DNASE1: variants seen among roughly 807,000 people sequenced by gnomAD.
DNASE1 encodes deoxyribonuclease-1.
In DNASE1, 40 loss-of-function variants were observed where a neutral mutation model predicts 33.9. The ratio of observed to expected loss-of-function variants is 1.18; its 90% CI spans 0.92 to 1.54. The LOEUF (loss-of-function observed/expected upper bound fraction) is 1.54, where lower values mean the gene tolerates loss of function less well. Among genes scored for constraint, DNASE1 ranks in the 40% most tolerant of loss-of-function variants. The pLI, the probability that DNASE1 is intolerant of heterozygous loss-of-function variation, is 0.00. For synonymous variants in DNASE1, 216 were observed against 160.0 expected (o/e 1.35, Z -2.64); for missense variants, 518 against 372.6 (o/e 1.39, Z -3.21).
chr16:3,663,425 T>G, exon 10 of DNASE1: 1 of 1,614,086 alleles, frequency 6.2e-7, no homozygotes. Flanking sequence ...GATGCCGACC[T>G]GGGGACCTGT....
At chr16:3,615,752 A>G (rs1363065297) in intron 1 of DNASE1, among the ~76,000 whole-genome samples, 1 of 152,180 alleles carries the variant, frequency 6.6e-6, no homozygotes, top group African/African-American at 2.4e-5. Context: ...TCAGGGCAAA[A>G]AGGCAAAGGT....
At chr16:3,636,249 G>C (rs369312801) in intron 1 of DNASE1, among the ~76,000 whole-genome samples, 2 of 114,584 alleles carry the variant, frequency 1.7e-5, no homozygotes, top group Admixed American at 1.6e-4. Context: ...ACTTTTCTTA[G>C]TTTTTTTTGT....
At chr16:3,616,338 T>A (rs2041102419) in intron 1 of DNASE1, among the ~76,000 whole-genome samples, 1 of 152,202 alleles carries the variant, frequency 6.6e-6, no homozygotes, top group African/African-American at 2.4e-5. Context: ...CATATGGAAT[T>A]GGCCGGGTGC....
At position 3,655,050 on chromosome 16, in the gene DNASE1, C is replaced by T. The variant is rs769858733; in HGVS notation, c.-2+6C>T. ...GGACATCACCATCATCTCAGGTGAG[C>T]ACCAGGTGGAGTGCCTCTGGGTGAC... On this transcript the variant is annotated splice_donor_region_variant and intron_variant, in intron 1 of 8. Coordinates refer to ENST00000246949, the MANE Select transcript of DNASE1 (RefSeq NM_005223.4). The T allele has an allele frequency of 3.1e-5, 18 of 578,190 alleles. No homozygotes were observed. The highest frequency in any genetic ancestry group is 5.5e-5 in the Non-Finnish European group (18 of 325,834). 35.8% of individuals were successfully genotyped at this position (578,190 alleles called of 1,614,324 possible).
upstream of DNASE1, chr16:3,640,656 A>G (rs1286317748): frequency 2.5e-6 from 1 of 398,230 alleles, no homozygotes; most frequent in African/African-American, 2.1e-5. Context: ...AAGTTTCAGA[A>G]TAGGTGGTGC....
intron 1 of DNASE1, among the ~76,000 whole-genome samples, chr16:3,625,506 C>T (rs938388929): frequency 1.1e-4 from 16 of 152,156 alleles, no homozygotes; most frequent in African/African-American, 3.9e-4. Flanking sequence ...CATGCCTCTA[C>T]TCCCAGCTAT....
At chr16:3,612,085 TG>T in intron 1 of DNASE1, 1 of 151,762 alleles carries the variant, frequency 6.6e-6, no homozygotes, top group Non-Finnish European at 1.5e-5. Context: ...GCGCTTCAGG[TG>T]CCTGGAGGGG....
At chr16:3,641,256 G>A (rs565167225), upstream of DNASE1, 15 of 270,832 alleles carry the variant, frequency 5.5e-5, no homozygotes, top group African/African-American at 1.7e-4. Context: ...ACGCATTTAC[G>A]TAGTGAGAGG....
At chr16:3,633,600 C>A (rs892242562) in intron 1 of DNASE1, among the ~76,000 whole-genome samples, 2 of 149,030 alleles carry the variant, frequency 1.3e-5, no homozygotes, top group Non-Finnish European at 3.0e-5. Flanking sequence ...AAGAGCGAGA[C>A]TCCATCTCAA....
At chr16:3,624,268 CAAA>C (rs768493205) in intron 1 of DNASE1, among the ~76,000 whole-genome samples, 6 of 72,472 alleles carry the variant, frequency 8.3e-5, no homozygotes, top group Admixed American at 1.6e-4. Context: ...GACTCTGTCT[CAAA>C]AAAAAAAAAA....
exon 10 of DNASE1, chr16:3,663,484 C>T (rs758474019): frequency 6.2e-7 from 1 of 1,614,196 alleles, no homozygotes; most frequent in Non-Finnish European, 8.5e-7. Flanking sequence ...TCCGTCTCCA[C>T]AGAGATCAGC....
upstream of DNASE1, among the ~76,000 whole-genome samples, chr16:3,639,983 C>T (rs2041985486): frequency 3.3e-5 from 5 of 152,170 alleles, 1 homozygote; most frequent in South Asian, 8.3e-4. Flanking sequence ...GCAGTTAAGT[C>T]CCTTGGAAGC....
intron 1 of DNASE1, among the ~76,000 whole-genome samples, chr16:3,632,395 G>A (rs1455723047): frequency 6.6e-6 from 1 of 152,124 alleles, no homozygotes. Flanking sequence ...ATGCTCTGTT[G>A]TTAGGCGTAT....
chr16:3,664,115 C>G (rs2050764831), exon 10 of DNASE1: 4 of 733,864 alleles, frequency 5.5e-6, no homozygotes, highest in Admixed American at 7.3e-5. Flanking sequence ...AAGTGGGAAA[C>G]AGCCGTCACA....
intron 1 of DNASE1, among the ~76,000 whole-genome samples, chr16:3,619,922 T>C (rs1015620702): frequency 4.0e-5 from 6 of 151,304 alleles, no homozygotes; most frequent in Non-Finnish European, 8.9e-5. Flanking sequence ...CTTTTCTTTT[T>C]TTTTTTTTTT....
chr16:3,647,984 A>G (rs755002654), intron 1 of DNASE1, among the ~76,000 whole-genome samples: 2 of 152,024 alleles, frequency 1.3e-5, no homozygotes, highest in African/African-American at 2.4e-5. Context: ...CCTGGCCAAC[A>G]TGGCAAAACC....
intron 1 of DNASE1, among the ~76,000 whole-genome samples, chr16:3,625,539 C>T (rs1380396727): frequency 1.3e-5 from 2 of 152,088 alleles, no homozygotes; most frequent in Admixed American, 6.6e-5. Context: ...AATGGGATCG[C>T]TTGAGCCCAG....
At chr16:3,653,478 T>C (rs1444703370), upstream of DNASE1, 1 of 152,084 alleles carries the variant, frequency 6.6e-6, no homozygotes, top group Non-Finnish European at 1.5e-5. Flanking sequence ...GGAAGATTGC[T>C]TGGGCTCAGG....
At chr16:3,662,286 A>G (rs1346411219), downstream of DNASE1, 1 of 914,158 alleles carries the variant, frequency 1.1e-6, no homozygotes, top group Non-Finnish European at 1.6e-6. Context: ...CCCATTACCC[A>G]CTAACTTGTG....
Sources: allele counts gnomAD v4.1 joint callset (sites outside exome capture counted in the v4.1 genomes callset), GRCh38; gene constraint gnomAD v4.1.1; transcripts MANE v1.5; gene names NCBI Gene and HGNC (gene_info 2026-07-23, HGNC 2026-07-21).